The following NTAQ1 variants were observed in gnomAD, a reference collection of about 807,000 sequenced individuals.
NTAQ1 encodes the protein protein N-terminal glutamine amidohydrolase.
NTAQ1 carries 21 observed loss-of-function variants against 28.2 expected under a neutral mutation model. That is an observed-to-expected ratio of 0.74 (90% CI 0.53 to 1.07). The LOEUF (loss-of-function observed/expected upper bound fraction) is 1.07. Ranked by LOEUF, NTAQ1 falls within the 50% of genes least tolerant of loss-of-function variation. NTAQ1 has a pLI of 0.00. For synonymous variants in NTAQ1, 105 were observed against 90.0 expected (o/e 1.17, Z -0.94); for missense variants, 264 against 256.6 (o/e 1.03, Z -0.20).
Position 123,441,478 on chromosome 8 carries a change from C to T in NTAQ1, c.*63C>T, listed in dbSNP as rs1240255742. ...GGACATGAACAAGCTATCCTTTCAT[C>T]GAGGACAGCAAACATTATGGTACAG... is the stretch of plus-strand genomic sequence containing the variant. On this transcript the variant is annotated 3_prime_UTR_variant, in exon 6 of 6. Transcript: ENST00000287387. 6.2e-6 allele frequency: 8 copies of T among 1,287,714 alleles called. No individual in the cohort carries two copies. Among genetic ancestry groups the T allele is most frequent in the South Asian group, 3.8e-5 (3 of 79,762 alleles). The allele number at this position is 1,287,714 out of a possible 1,614,324, so 79.8% of individuals were successfully genotyped here. A position where few individuals can be genotyped will look rare whatever the true frequency, so the allele number is the denominator to read the frequency against.
chr8:123,474,967 T>C (rs1014468605), downstream of NTAQ1, among the ~76,000 whole-genome samples: 5 of 152,236 alleles, frequency 3.3e-5, no homozygotes, highest in African/African-American at 1.2e-4. Context: ...CTATGGATGA[T>C]TCTTGCCTGC....
At chr8:123,418,794 CAG>C (rs1813475704) in intron 1 of NTAQ1, among the ~76,000 whole-genome samples, 1 of 152,186 alleles carries the variant, frequency 6.6e-6, no homozygotes, top group African/African-American at 2.4e-5. Flanking sequence ...CACTCTACCA[CAG>C]AGTTTCTCCA....
chr8:123,428,012 G>A lies in NTAQ1; in HGVS notation c.172G>A (p.Glu58Lys). 1 of 1,605,394 alleles carries A rather than the reference G, an allele frequency of 6.2e-7. No homozygotes were observed. The highest frequency in any genetic ancestry group is 1.7e-4 in the Middle Eastern group (1 of 6,044). Residue 58 changes from glutamate to lysine, a missense_variant, in exon 2 of 6, where the codon GAG becomes AAG. Glu to Lys is a moderately conservative substitution (Grantham distance 56, BLOSUM62 1). Transcript: ENST00000287387. Reference protein sequence around the residue: ...EECYAVFISNERKMIPIWKQQ... With the variant: ...EECYAVFISNKRKMIPIWKQQ... ...ATGTTATGCTGTCTTCATATCTAAT[G>A]AGAGGAAGATGGTAAGTTGGTGAGT...
Position 123,436,560 on chromosome 8 carries a change from T to A in NTAQ1, c.342T>A (p.Asp114Glu), listed in dbSNP as rs761850822. The A allele has an allele frequency of 6.2e-7, 1 of 1,614,072 alleles. No homozygotes were observed. Residue 114 changes from aspartate (D) to glutamate (E), a missense_variant, in exon 4 of 6, where the codon GAT (aspartate) becomes GAA (glutamate). Physicochemically the swap from Asp to Glu is conservative, Grantham distance 45 (BLOSUM62 2). Transcript: ENST00000287387. ...FPCLFDTYVE[D>E]AFKSDDDIHP... The stretch of plus-strand genomic sequence containing the variant: ...GCCTCTTTGACACTTATGTAGAAGA[T>A]GCCTTTAAGTCTGATGATGACATTC...
rs1255164585 is a variant in NTAQ1 at position 123,416,903 on chromosome 8, G to A, written c.54G>A (p.Arg18=). ...ACTACCAGCCGGCCAGCCCCCCGCG[G>A]GACGCCTGCGTCTACAGCAGCTGCT... ...AVHYQPASPP[R]DACVYSSCYC... is the part of the protein sequence containing the mutation. The change falls in exon 1 of 6, where the codon CGG becomes CGA. Residue 18 remains arginine (R), a synonymous_variant. Coordinates refer to ENST00000287387, the MANE Select transcript of NTAQ1 (RefSeq NM_018024.3). The A allele has an allele frequency of 8.5e-6, 13 of 1,525,162 alleles. No homozygotes were observed. The South Asian group carries it at 1.5e-4, about 17-fold the overall frequency. 94.5% of individuals were successfully genotyped at this position (1,525,162 alleles called of 1,614,324 possible).
chr8:123,464,975 T>G (rs1158897458), intron 6 of NTAQ1, among the ~76,000 whole-genome samples: 3 of 151,960 alleles, frequency 2.0e-5, no homozygotes, highest in African/African-American at 4.8e-5. Context: ...GAGATGGAGG[T>G]TGCAGTGAGC....
chr8:123,449,442 G>T (rs1048648155), downstream of NTAQ1, among the ~76,000 whole-genome samples: 1 of 152,146 alleles, frequency 6.6e-6, no homozygotes, highest in African/African-American at 2.4e-5. Context: ...AGGGCTGCGT[G>T]TGGTGGCTCA....
chr8:123,428,452 C>A (rs1814201834), intron 2 of NTAQ1, among the ~76,000 whole-genome samples: 1 of 152,128 alleles, frequency 6.6e-6, no homozygotes, highest in Non-Finnish European at 1.5e-5. Context: ...CCCACCTCAG[C>A]CCCCCAAAGT....
chr8:123,468,661 C>T (rs749066361), exon 7 of NTAQ1, among the ~76,000 whole-genome samples: 10 of 152,152 alleles, frequency 6.6e-5, no homozygotes, highest in East Asian at 1.9e-4. Context: ...ATACTGCAAG[C>T]GACATAGATG....
chr8:123,441,539 TTGAG>T lies in NTAQ1; in HGVS notation c.*127_*130del. ...ATTATGTCTTTCTCTTTTAATTTGA[TTGAG>T]TGGAAATCTGAGTGAATACAAATAT... On this transcript the variant is annotated 3_prime_UTR_variant, in exon 6 of 6. Coordinates refer to ENST00000287387, the MANE Select transcript of NTAQ1 (RefSeq NM_018024.3). 1.3e-6 allele frequency: 1 copy of T among 787,930 alleles called. No individual in the cohort carries two copies. 48.8% of individuals were successfully genotyped at this position (787,930 alleles called of 1,614,324 possible).
At chr8:123,429,803 C>G (rs1367950990) in intron 2 of NTAQ1, among the ~76,000 whole-genome samples, 180 bp from the exon 3 acceptor site, 2 of 147,082 alleles carry the variant, frequency 1.4e-5, no homozygotes, top group South Asian at 4.3e-4. Context: ...TTGCTTGAAC[C>G]CGGGAGGTGG....
intron 1 of NTAQ1, among the ~76,000 whole-genome samples, chr8:123,421,180 A>G (rs896181278): frequency 2.6e-5 from 4 of 151,658 alleles, no homozygotes; most frequent in African/African-American, 9.7e-5. Flanking sequence ...ACCTGGTGTC[A>G]ATCAATTCTC....
Position 123,430,162 on chromosome 8 carries a change from C to G in NTAQ1, c.234+129C>G, listed in dbSNP as rs1056443758. On this transcript the variant is annotated intron_variant, in intron 3 of 5. Transcript: ENST00000287387. ...CTATGGTAATTATTAATAAATTGAC[C>G]TTTTGAGAATAGATGTTATTTGATC... 4.4e-5 allele frequency: 25 copies of G among 562,500 alleles called. No homozygotes were observed. In the African/African-American group the frequency reaches 4.6e-4, roughly 10 times the overall value. 34.8% of individuals were successfully genotyped at this position (562,500 alleles called of 1,614,324 possible). A position where few individuals can be genotyped will look rare whatever the true frequency, so the allele number is the denominator to read the frequency against.
downstream of NTAQ1, among the ~76,000 whole-genome samples, chr8:123,473,168 A>C (rs1208902826): frequency 6.6e-6 from 1 of 152,182 alleles, no homozygotes; most frequent in Non-Finnish European, 1.5e-5. Flanking sequence ...TCACAAAATC[A>C]ATGTGTAAGA....
chr8:123,451,662 T>C (rs1172270552), downstream of NTAQ1, among the ~76,000 whole-genome samples: 1 of 152,168 alleles, frequency 6.6e-6, no homozygotes, highest in Non-Finnish European at 1.5e-5. Context: ...TCTATCTCCC[T>C]CCATTGGACT....
At chr8:123,418,474 A>G (rs189247641) in intron 1 of NTAQ1, among the ~76,000 whole-genome samples, 321 of 152,258 alleles carry the variant, frequency 2.1e-3, no homozygotes, top group South Asian at 0.012. Context: ...TAAAAAGCCA[A>G]AAAAACAAGT....
intron 6 of NTAQ1, among the ~76,000 whole-genome samples, chr8:123,454,756 C>A (rs1303276166): frequency 6.6e-6 from 1 of 152,182 alleles, no homozygotes; most frequent in Admixed American, 6.5e-5. Context: ...TACTGTAGCT[C>A]AGTCTCCAAT....
At chr8:123,437,095 C>T (rs72724294) in intron 4 of NTAQ1, 115 bp from the exon 5 acceptor site, 9 of 1,383,442 alleles carry the variant, frequency 6.5e-6, no homozygotes, top group Non-Finnish European at 8.9e-6. Context: ...ACTAACCATA[C>T]AGAAATGCAT....
chr8:123,423,693 A>G (rs1813866414), intron 1 of NTAQ1, among the ~76,000 whole-genome samples: 1 of 152,126 alleles, frequency 6.6e-6, no homozygotes, highest in Non-Finnish European at 1.5e-5. Flanking sequence ...ATGCTCTTGA[A>G]AAACAATTGC....
Sources: allele counts gnomAD v4.1 joint callset (sites outside exome capture counted in the v4.1 genomes callset), GRCh38; gene constraint gnomAD v4.1.1; transcripts MANE v1.5; gene names NCBI Gene and HGNC (gene_info 2026-07-23, HGNC 2026-07-21).